Variants in MADD observed in about 807,000 individuals in gnomAD.
MADD encodes the protein MAP kinase activating death domain.
Under a neutral mutation model 176.7 loss-of-function variants are expected in MADD, and 109 were observed. The observed-to-expected ratio is 0.62, with a 90% CI of 0.53 to 0.72. The LOEUF (loss-of-function observed/expected upper bound fraction) is 0.72. Among genes scored for constraint, MADD ranks in the 30% least tolerant of loss-of-function variants. MADD has a pLI of 0.00. For missense variants in MADD, 1,914 were observed against 2,045.5 expected, an observed-to-expected ratio of 0.94 and a Z score of 1.24; for synonymous variants, 771 against 771.3, an observed-to-expected ratio of 1.00 and a Z score of 0.01.
chr11:47,304,550 T>A (rs953753398), intron 22 of MADD, among the ~76,000 whole-genome samples: 2 of 151,404 alleles, frequency 1.3e-5, no homozygotes, highest in African/African-American at 4.9e-5. Context: ...TTTTTTAAAC[T>A]TTGTTCATTG....
intron 26 of MADD, among the ~76,000 whole-genome samples, chr11:47,312,723 C>T (rs1259131377): frequency 6.6e-6 from 1 of 152,168 alleles, no homozygotes; most frequent in Non-Finnish European, 1.5e-5. Flanking sequence ...GTGTGAACCA[C>T]CGCACCTGGC....
At chr11:47,273,353 T>C (rs1015582395) in intron 1 of MADD, among the ~76,000 whole-genome samples, 1 of 141,958 alleles carries the variant, frequency 7.0e-6, no homozygotes, top group African/African-American at 2.6e-5. Context: ...TTTTTTTTTT[T>C]CTTGAGACGG....
chr11:47,285,573 G>A (rs759467495), exon 14 of MADD: 3 of 1,613,986 alleles, frequency 1.9e-6, no homozygotes, highest in Admixed American at 1.7e-5. Context: ...GGCTTCGGGG[G>A]CATCATGTCT....
At chr11:47,292,684 C>A in intron 19 of MADD, 88 bp downstream of exon 21, 1 of 1,332,176 alleles carries the variant, frequency 7.5e-7, no homozygotes, top group Non-Finnish European at 1.1e-6. Context: ...CTTTGTCAGC[C>A]CCACCCCAAA....
Position 47,329,149 on chromosome 11 carries a change from G to T in MADD, c.4763G>T (p.Ter1588LeuextTer27), listed in dbSNP as rs895674965. The change falls in exon 33 of 33, where the codon TGA becomes TTA. Residue 1588 changes from the stop codon to leucine (L), a stop_lost. Transcript: ENST00000402192. ...ACCCCGCCCCGGCCTGTCTCTAGCT[G>T]ATGGAGAGGGGCTACGCAGCTGCCC... 2 of 1,612,992 alleles carry T rather than the reference G, an allele frequency of 1.2e-6. No homozygotes were observed. The highest frequency in any genetic ancestry group is 2.7e-5 in the African/African-American group (2 of 74,928).
In MADD at chr11:47,276,636, C is replaced by T. The variant is rs376884977; in HGVS notation, c.964-96C>T. 1.0e-5 allele frequency: 15 copies of T among 1,466,508 alleles called. 1 individual carries two copies. Among genetic ancestry groups the T allele is most frequent in the African/African-American group, 9.7e-5 (7 of 72,404 alleles). The allele number at this position is 1,466,508 out of a possible 1,614,324, so 90.8% of individuals were successfully genotyped here. On this transcript the variant is annotated intron_variant, in intron 4 of 32. Transcript: ENST00000402192. ...AGAGACAAAGCTGGAGCTGTAGGCT[C>T]GATGAAGTGGAAACCAAGTTGTAAT...
At chr11:47,289,269 G>T (rs1454940680) in intron 15 of MADD, 122 bp from the exon 17 acceptor site, 2 of 872,328 alleles carry the variant, frequency 2.3e-6, no homozygotes, top group African/African-American at 1.7e-5. Context: ...ATGATGCCTT[G>T]GTGCTACCCT....
At chr11:47,323,628 G>C (rs770448496) in intron 27 of MADD, 43 bp from the exon 31 acceptor site, 1 of 1,601,760 alleles carries the variant, frequency 6.2e-7, no homozygotes, top group Admixed American at 1.7e-5. Flanking sequence ...GGGAGAGGCT[G>C]TCAGAGACAG....
At chr11:47,286,912 G>A (rs1348336283) in intron 15 of MADD, among the ~76,000 whole-genome samples, 1 of 152,186 alleles carries the variant, frequency 6.6e-6, no homozygotes, top group African/African-American at 2.4e-5. Flanking sequence ...GAATGGTTAT[G>A]GAGAGCCTGG....
intron 11 of MADD, 21 bp downstream of exon 11, chr11:47,284,302 T>C: frequency 6.2e-7 from 1 of 1,613,412 alleles, no homozygotes; most frequent in East Asian, 2.2e-5. Context: ...TTGGGGAGAT[T>C]GGCCAGCCCT....
chr11:47,309,459 C>T (rs749050745), intron 24 of MADD, 48 bp from the exon 28 acceptor site: 1 of 1,614,006 alleles, frequency 6.2e-7, no homozygotes. Context: ...CCAGTTAGTT[C>T]TGTGGTCTCC....
intron 4 of MADD, 71 bp from the exon 5 acceptor site, chr11:47,276,661 T>C: frequency 6.4e-7 from 1 of 1,563,096 alleles, no homozygotes; most frequent in Non-Finnish European, 8.8e-7. Context: ...CAAGTTGTAA[T>C]GTTGGAAGCT....
exon 19 of MADD, chr11:47,290,694 C>G (rs777068289): frequency 1.9e-6 from 3 of 1,614,100 alleles, no homozygotes; most frequent in Non-Finnish European, 2.5e-6. Flanking sequence ...CGGGGGGACC[C>G]AAAGGCTATG....
intron 25 of MADD, among the ~76,000 whole-genome samples, chr11:47,311,407 A>G (rs915075589): frequency 5.9e-5 from 9 of 152,216 alleles, no homozygotes; most frequent in South Asian, 2.1e-4. Context: ...GAATTACACT[A>G]TGAAGAGCCT....
Position 47,276,796 on chromosome 11 carries a change from TCTACCCA to T in MADD, c.1031_1037del (p.Tyr344TrpfsTer51). On this transcript the variant is annotated frameshift_variant, in exon 5 of 33. Coordinates refer to ENST00000402192, the Ensembl canonical transcript of MADD. LOFTEE classifies it high-confidence loss of function. ...TCTGTGATGGCATTCGTGGCAATGA[TCTACCCA>T]CTGGAGTATATGTTTCCTGTCATCC... The T allele has an allele frequency of 6.2e-7, 1 of 1,614,172 alleles. No homozygotes were observed. Among genetic ancestry groups the T allele is most frequent in the South Asian group, 1.1e-5 (1 of 91,082 alleles).
intron 7 of MADD, 110 bp downstream of exon 7, chr11:47,279,189 T>TTTC (rs1469830752): frequency 2.0e-6 from 2 of 1,024,050 alleles, no homozygotes; most frequent in Admixed American, 4.2e-5. Context: ...GTGGAGTAGT[T>TTTC]TTCTTCACCC....
At chr11:47,282,641 G>A (rs982369264) in intron 9 of MADD, 25 bp downstream of exon 9, 44 of 1,609,668 alleles carry the variant, frequency 2.7e-5, no homozygotes, top group South Asian at 4.4e-5. Context: ...CCTCTGCTCC[G>A]CTCTGCCTTG....
rs2095358036 is a variant in MADD, at chr11:47,325,588, C to T, written c.4542+1011C>T. ...AGGAAATGGCTGCGCAGGCTGCCAG[C>T]AGCCCCTTAGTATATTTTCAATTTA... On this transcript the variant is annotated intron_variant, in intron 30 of 32. Coordinates refer to ENST00000402192, the Ensembl canonical transcript of MADD. This position sits in a 1 kb window ranked among gnomAD's most constrained non-coding sequence, Gnocchi z 4.5. 6.6e-6 allele frequency among the ~76,000 whole-genome samples: 1 copy of T among 152,254 alleles called. No homozygotes were observed. Among genetic ancestry groups the T allele is most frequent in the South Asian group, 2.1e-4 (1 of 4,832 alleles).
At chr11:47,317,237 T>C (rs572641192) in intron 27 of MADD, among the ~76,000 whole-genome samples, 1 of 152,320 alleles carries the variant, frequency 6.6e-6, no homozygotes, top group East Asian at 1.9e-4. Context: ...TATGGATCCT[T>C]GGGTTGCTTC....
Sources: gnomAD v4.1 joint callset for allele counts (sites outside exome capture counted in the v4.1 genomes callset) on GRCh38, gnomAD v4.1.1 for gene constraint, Gnocchi (gnomAD v3.1) non-coding constraint, MANE v1.5 for transcripts, NCBI Gene and HGNC (gene_info 2026-07-23, HGNC 2026-07-21) for gene names.